IGF1: variants seen among roughly 807,000 people sequenced by gnomAD.
IGF1 encodes the protein insulin-like growth factor 1.
IGF1 carries 4 observed loss-of-function variants against 13.8 expected under a neutral mutation model. The observed-to-expected ratio is 0.29, with a 90% confidence interval of 0.14 to 0.66. The LOEUF is 0.66. IGF1 is among the 30% of genes least tolerant of loss of function. The pLI, the probability that IGF1 is intolerant of heterozygous loss-of-function variation, is 0.78. For missense variants in IGF1, 124 were observed against 188.5 expected, an observed-to-expected ratio of 0.66 and a Z score of 2.00; for synonymous variants, 76 against 72.6, an observed-to-expected ratio of 1.05 and a Z score of -0.23.
At chr12:102,477,686 C>A (rs1038636559) in intron 1 of IGF1, among the ~76,000 whole-genome samples, 2 of 152,124 alleles carry the variant, frequency 1.3e-5, no homozygotes, top group African/African-American at 4.8e-5. Context: ...CCCCACACTG[C>A]GGGAATGGGC....
At chr12:102,412,991 A>G (rs1262987918) in intron 3 of IGF1, among the ~76,000 whole-genome samples, 1 of 152,190 alleles carries the variant, frequency 6.6e-6, no homozygotes, top group African/African-American at 2.4e-5. Context: ...GATGACAGAA[A>G]AGCTGATTTT....
At chr12:102,404,338 G>A (rs1169066308) in intron 3 of IGF1, among the ~76,000 whole-genome samples, 2 of 152,188 alleles carry the variant, frequency 1.3e-5, no homozygotes, top group Non-Finnish European at 2.9e-5. Flanking sequence ...TGAAGGCTGG[G>A]GAAAAAGATA....
chr12:102,408,554 TC>T (rs1874368978), intron 3 of IGF1, among the ~76,000 whole-genome samples: 2 of 152,268 alleles, frequency 1.3e-5, no homozygotes, highest in Middle Eastern at 3.4e-3. Flanking sequence ...TAGCCCAGCA[TC>T]ACGTTTTTTT....
intron 3 of IGF1, among the ~76,000 whole-genome samples, chr12:102,408,317 A>G (rs1357331080): frequency 6.6e-6 from 1 of 152,176 alleles, no homozygotes; most frequent in Non-Finnish European, 1.5e-5. Flanking sequence ...CAACTTTGAT[A>G]TCTCTTTACT....
chr12:102,446,066 C>A (rs1463498262), intron 2 of IGF1, among the ~76,000 whole-genome samples: 1 of 152,146 alleles, frequency 6.6e-6, no homozygotes, highest in African/African-American at 2.4e-5. Context: ...ACCAGCCTTG[C>A]ATCCCAGGGA....
At chr12:102,462,568 C>T (rs924839359) in intron 2 of IGF1, among the ~76,000 whole-genome samples, 1 of 152,146 alleles carries the variant, frequency 6.6e-6, no homozygotes, top group Admixed American at 6.5e-5. Context: ...TACAGAAATG[C>T]CAGCCAGATT....
chr12:102,399,044 T>C lies in IGF1; in HGVS notation c.*3463A>G, dbSNP rs1379650783. 6.6e-6 allele frequency: 1 copy of C among 152,540 alleles called. No individual in the cohort carries two copies. The highest frequency in any genetic ancestry group is 1.5e-5 in the Non-Finnish European group (1 of 68,162). The allele number at this position is 152,540 out of a possible 1,614,324, so 9.4% of individuals were successfully genotyped here. A position where few individuals can be genotyped will look rare whatever the true frequency, so the allele number is the denominator to read the frequency against. On this transcript the variant is annotated 3_prime_UTR_variant, in exon 4 of 4. Coordinates refer to ENST00000337514, the MANE Select transcript of IGF1 (RefSeq NM_000618.5). ...GACAGGCTTTTTGTTTGTTTGTTTG[T>C]TTTTTAATAAAATTTTCAAGGAAGT...
intron 2 of IGF1, among the ~76,000 whole-genome samples, chr12:102,453,803 TA>T (rs1879158011): frequency 6.6e-6 from 1 of 152,198 alleles, no homozygotes; most frequent in South Asian, 2.1e-4. Flanking sequence ...CTGCCTGAGT[TA>T]AAACCCTGGA....
chr12:102,455,853 G>A (rs1381623014), intron 2 of IGF1, among the ~76,000 whole-genome samples: 1 of 152,170 alleles, frequency 6.6e-6, no homozygotes, highest in African/African-American at 2.4e-5. Flanking sequence ...GAAGAGACAA[G>A]TCATGAACAC....
At chr12:102,441,915 C>CTTCCTTCTT (rs1555244052) in intron 2 of IGF1, among the ~76,000 whole-genome samples, 1 of 122,140 alleles carries the variant, frequency 8.2e-6, no homozygotes, top group Admixed American at 8.8e-5. Context: ...TGCTTCTTCT[C>CTTCCTTCTT]CTTCTTCTTC....
intron 2 of IGF1, among the ~76,000 whole-genome samples, chr12:102,464,368 G>C (rs1880147702): frequency 6.6e-6 from 1 of 151,066 alleles, no homozygotes; most frequent in South Asian, 2.1e-4. Context: ...CAAATTGTAA[G>C]TCATGGTATA....
At chr12:102,451,392 A>T (rs1878915404) in intron 2 of IGF1, among the ~76,000 whole-genome samples, 1 of 152,214 alleles carries the variant, frequency 6.6e-6, no homozygotes, top group Non-Finnish European at 1.5e-5. Flanking sequence ...TAAGTAATGA[A>T]CTTCCAGGAA....
At chr12:102,480,595 A>G (rs1417209694), upstream of IGF1, 7 of 1,403,988 alleles carry the variant, frequency 5.0e-6, no homozygotes, top group African/African-American at 5.8e-5. Flanking sequence ...ACATTTATCT[A>G]CAAAACACAG....
chr12:102,452,248 C>T (rs367578805), intron 2 of IGF1, among the ~76,000 whole-genome samples: 8 of 102,658 alleles, frequency 7.8e-5, no homozygotes, highest in South Asian at 6.9e-4. Context: ...GGCGACAGAG[C>T]GAGACTCCGT....
rs148174720 is a variant in IGF1, at chr12:102,473,102, G to C, written c.220+2541C>G. On this transcript the variant is annotated intron_variant, in intron 2 of 3. Transcript: ENST00000337514. ...ATATGGGCAGCTACTATAGCATCCA[G>C]GCTATGAGCTAGACACTTGGATTCA... is the stretch of plus-strand genomic sequence containing the variant. Among the ~76,000 whole-genome samples the C allele has an allele frequency of 2.0e-5, 3 of 152,254 alleles. No individual in the cohort carries two copies. The East Asian group carries it at 5.8e-4, about 29-fold the overall frequency.
At chr12:102,452,692 T>C (rs1024116113) in intron 2 of IGF1, among the ~76,000 whole-genome samples, 34 of 152,182 alleles carry the variant, frequency 2.2e-4, no homozygotes, top group Non-Finnish European at 4.6e-4. Flanking sequence ...ACATTGGAAG[T>C]GTACTTTTTA....
chr12:102,410,702 A>G (rs1025234312), intron 3 of IGF1, among the ~76,000 whole-genome samples: 1 of 152,184 alleles, frequency 6.6e-6, no homozygotes, highest in Non-Finnish European at 1.5e-5. Context: ...TGATGAGTTC[A>G]CAGGGTTAGG....
chr12:102,422,315 A>G (rs1481594068), intron 2 of IGF1, among the ~76,000 whole-genome samples: 1 of 152,228 alleles, frequency 6.6e-6, no homozygotes, highest in Non-Finnish European at 1.5e-5. Context: ...AGCTACCACA[A>G]TCCTAGAGAG....
rs367610532 is a variant in IGF1 at position 102,417,977 on chromosome 12, G to A, written c.402+1532C>T. 6.2e-6 allele frequency: 10 copies of A among 1,612,700 alleles called. No individual in the cohort carries two copies. The Admixed American group carries it at 1.2e-4, about 19-fold the overall frequency. On this transcript the variant is annotated intron_variant, in intron 3 of 3. Transcript: ENST00000337514. ...AACCTTTCCTTCTCTGAGACTTCGTGTTCTTGTTGGTAGATGGGGGCTGAT... is the reference window on the plus strand; with the variant it reads ...AACCTTTCCTTCTCTGAGACTTCGTATTCTTGTTGGTAGATGGGGGCTGAT...
Sources: allele counts gnomAD v4.1 joint callset (sites outside exome capture counted in the v4.1 genomes callset), GRCh38; gene constraint gnomAD v4.1.1; transcripts MANE v1.5; gene names NCBI Gene and HGNC (gene_info 2026-07-23, HGNC 2026-07-21).